Variants in DPP10 observed in about 807,000 individuals in gnomAD.
DPP10 encodes inactive dipeptidyl peptidase 10.
Under a neutral mutation model 120.9 loss-of-function variants are expected in DPP10, and 33 were observed. The ratio of observed to expected loss-of-function variants is 0.27; its 90% confidence interval spans 0.21 to 0.37. The LOEUF (loss-of-function observed/expected upper bound fraction) is 0.37, where lower values mean the gene tolerates loss of function less well. Ranked by LOEUF, DPP10 falls within the 10% of genes least tolerant of loss-of-function variation. DPP10 has a pLI of 1.00. For synonymous variants in DPP10, 337 were observed against 326.1 expected (o/e 1.03, Z -0.36); for missense variants, 816 against 942.8 (o/e 0.87, Z 1.76).
chr2:115,456,199 A>G (rs1187311803), intron 3 of DPP10, among the ~76,000 whole-genome samples: 1 of 152,202 alleles, frequency 6.6e-6, no homozygotes, highest in Non-Finnish European at 1.5e-5. Context: ...CCCATCAAAC[A>G]TATGAAAAAA....
chr2:115,150,881 G>A (rs1166997444), intron 1 of DPP10, among the ~76,000 whole-genome samples: 1 of 152,042 alleles, frequency 6.6e-6, no homozygotes. Flanking sequence ...TAGTGTGTTG[G>A]GATAAATAAA....
At chr2:114,456,949 A>T (rs1270962436) in intron 1 of DPP10, among the ~76,000 whole-genome samples, 1 of 152,244 alleles carries the variant, frequency 6.6e-6, no homozygotes, top group Non-Finnish European at 1.5e-5. Context: ...TGCCACAATA[A>T]GAAAGCCATG....
chr2:114,452,833 C>A (rs1052331837), intron 1 of DPP10, among the ~76,000 whole-genome samples: 3 of 152,168 alleles, frequency 2.0e-5, no homozygotes, highest in Non-Finnish European at 4.4e-5. Flanking sequence ...TTGTTTTTCT[C>A]AAACTAACTT....
chr2:114,456,187 A>G (rs1678578170), intron 1 of DPP10, among the ~76,000 whole-genome samples: 1 of 152,234 alleles, frequency 6.6e-6, no homozygotes, highest in Non-Finnish European at 1.5e-5. Flanking sequence ...CTGGGAACTC[A>G]GACCTCAGTG....
chr2:115,494,244 T>G (rs2076278211), intron 3 of DPP10, among the ~76,000 whole-genome samples: 2 of 152,146 alleles, frequency 1.3e-5, no homozygotes, highest in Non-Finnish European at 2.9e-5. Flanking sequence ...GCATGTACTT[T>G]TTTTCTTTAA....
intron 1 of DPP10, among the ~76,000 whole-genome samples, chr2:114,553,529 A>G (rs992424144): frequency 1.3e-5 from 2 of 152,242 alleles, no homozygotes; most frequent in Admixed American, 6.5e-5. Flanking sequence ...CTCTGAGTTT[A>G]CATCAGGGGG....
At chr2:115,173,097 T>C (rs2053469937) in intron 1 of DPP10, among the ~76,000 whole-genome samples, 2 of 152,214 alleles carry the variant, frequency 1.3e-5, no homozygotes, top group African/African-American at 4.8e-5. Flanking sequence ...TTTGTTTTTT[T>C]TCCCTTCCCC....
intron 5 of DPP10, among the ~76,000 whole-genome samples, chr2:115,526,569 T>C (rs991583075): frequency 1.2e-4 from 19 of 152,226 alleles, no homozygotes; most frequent in Middle Eastern, 3.4e-3. Context: ...TGTATGGTTG[T>C]TGAGTGTTTT....
At chr2:115,003,176 T>TAAAAA (rs140794959) in intron 1 of DPP10, among the ~76,000 whole-genome samples, 1 of 134,390 alleles carries the variant, frequency 7.4e-6, no homozygotes, top group Non-Finnish European at 1.6e-5. Flanking sequence ...TATGTAGCTA[T>TAAAAA]AAAAAAAAAA....
At chr2:115,744,217 T>C (rs1344742876) in intron 9 of DPP10, among the ~76,000 whole-genome samples, 4 of 150,286 alleles carry the variant, frequency 2.7e-5, no homozygotes, top group Non-Finnish European at 2.9e-5. Flanking sequence ...TGATTGATGC[T>C]ACGGTCCAAG....
chr2:115,237,966 G>A lies in DPP10; in HGVS notation c.61-71273G>A, dbSNP rs138412723. Among the ~76,000 whole-genome samples the A allele has an allele frequency of 1.9e-3, 293 of 152,254 alleles. 6 individuals are homozygous for A. The highest frequency in any genetic ancestry group is 0.014 in the Middle Eastern group (4 of 294). On this transcript the variant is annotated intron_variant, in intron 1 of 25. Transcript: ENST00000410059. Reference sequence around the variant, plus strand: ...GCTGTTATAGAAATCACAGCAAACCGGTTATCCAGAAGATGTATCTGAGAT... The same window carrying A: ...GCTGTTATAGAAATCACAGCAAACCAGTTATCCAGAAGATGTATCTGAGAT...
chr2:114,888,142 CAAAA>C (rs1231068172), intron 1 of DPP10, among the ~76,000 whole-genome samples: 1 of 66,378 alleles, frequency 1.5e-5, no homozygotes. Flanking sequence ...GCCTCCGTCT[CAAAA>C]AAAAAAAAAA....
chr2:114,583,313 T>C (rs1274875617), intron 1 of DPP10, among the ~76,000 whole-genome samples: 1 of 152,246 alleles, frequency 6.6e-6, no homozygotes. Context: ...TATGGCCTAG[T>C]GGTCTTCAGA....
chr2:115,046,842 T>A (rs894470538), intron 1 of DPP10, among the ~76,000 whole-genome samples: 7 of 152,088 alleles, frequency 4.6e-5, no homozygotes, highest in African/African-American at 1.7e-4. Context: ...ATTTTAATTA[T>A]TTTAGTTTTA....
chr2:114,799,852 G>T (rs1029497183), intron 1 of DPP10, among the ~76,000 whole-genome samples: 1 of 152,156 alleles, frequency 6.6e-6, no homozygotes, highest in Non-Finnish European at 1.5e-5. Context: ...AAATGAGCAG[G>T]TTTCCATTTG....
chr2:115,366,803 T>C (rs771445387), intron 3 of DPP10, among the ~76,000 whole-genome samples: 1 of 152,070 alleles, frequency 6.6e-6, no homozygotes, highest in Non-Finnish European at 1.5e-5. Context: ...CCTGTAATAA[T>C]TGATATTGTG....
At chr2:114,934,099 A>G (rs1454524433) in intron 1 of DPP10, among the ~76,000 whole-genome samples, 7 of 152,196 alleles carry the variant, frequency 4.6e-5, no homozygotes, top group African/African-American at 1.4e-4. Context: ...CTCTTGCACT[A>G]CACTGGGTCT....
intron 7 of DPP10, among the ~76,000 whole-genome samples, chr2:115,695,022 C>T (rs1339278848): frequency 6.6e-6 from 1 of 152,186 alleles, no homozygotes; most frequent in Admixed American, 6.5e-5. Flanking sequence ...TTATAACAAG[C>T]TCCTCTCCCT....
intron 1 of DPP10, among the ~76,000 whole-genome samples, chr2:114,478,535 G>A (rs1680719147): frequency 6.6e-6 from 1 of 151,950 alleles, no homozygotes; most frequent in Non-Finnish European, 1.5e-5. Context: ...CATTCTTATT[G>A]GATGCAGCAT....
Sources: allele counts gnomAD v4.1 joint callset (sites outside exome capture counted in the v4.1 genomes callset), GRCh38; gene constraint gnomAD v4.1.1; transcripts MANE v1.5; gene names NCBI Gene and HGNC (gene_info 2026-07-23, HGNC 2026-07-21).